SUGCT: variants seen among roughly 807,000 people sequenced by gnomAD.
SUGCT encodes succinyl-CoA:glutarate-CoA transferase.
In SUGCT, 41 loss-of-function variants were observed where a neutral mutation model predicts 55.0. That is an observed-to-expected ratio of 0.74 (90% CI 0.58 to 0.97). The LOEUF (loss-of-function observed/expected upper bound fraction) is 0.97, where lower values mean the gene tolerates loss of function less well. Ranked by LOEUF, SUGCT falls within the 50% of genes least tolerant of loss-of-function variation. The probability of loss-of-function intolerance (pLI) is 0.00; values close to 1 mark genes in which losing one functional copy is unlikely to be tolerated. For synonymous variants in SUGCT, 187 were observed against 200.4 expected (o/e 0.93, Z 0.56); for missense variants, 568 against 547.8 (o/e 1.04, Z -0.37).
intron 12 of SUGCT, among the ~76,000 whole-genome samples, chr7:40,724,910 T>C (rs1410584099): frequency 6.6e-6 from 1 of 152,206 alleles, no homozygotes; most frequent in Non-Finnish European, 1.5e-5. Context: ...TTTAAACATC[T>C]ATTCTGCTGC....
At chr7:40,663,759 C>A (rs1410457522) in intron 12 of SUGCT, among the ~76,000 whole-genome samples, 5 of 152,066 alleles carry the variant, frequency 3.3e-5, no homozygotes, top group African/African-American at 4.8e-5. Flanking sequence ...TCTGGTAGAA[C>A]CTTGTTCTTC....
chr7:40,858,979 G>C (rs539326127), intron 13 of SUGCT, among the ~76,000 whole-genome samples: 2 of 152,296 alleles, frequency 1.3e-5, no homozygotes, highest in South Asian at 4.2e-4. Context: ...TCTCCAAAGA[G>C]CTCAAAGCTC....
chr7:40,979,394 C>T, the SUGCT span: 30 of 152,314 alleles, frequency 2.0e-4, no homozygotes, highest in African/African-American at 6.0e-4. Flanking sequence ...GTACTAAAGA[C>T]GCATTTGCAT....
Position 40,578,676 on chromosome 7 carries a change from G to A in SUGCT, c.1089+82290G>A, listed in dbSNP as rs369499584. ...ATGAGTCTCTGAGAATATAGCCAAG[G>A]CATTGGTAGTCTTCAACTCAGGCGA... On this transcript the variant is annotated intron_variant, in intron 12 of 13. Coordinates refer to ENST00000335693, the MANE Select transcript of SUGCT (RefSeq NM_001193313.2). 3.9e-4 allele frequency among the ~76,000 whole-genome samples: 60 copies of A among 152,232 alleles called. 1 individual carries two copies. In the South Asian group the frequency reaches 0.012, roughly 32 times the overall value.
chr7:41,019,804 G>T, the SUGCT span, among the ~76,000 whole-genome samples: 1 of 152,160 alleles, frequency 6.6e-6, no homozygotes, highest in East Asian at 1.9e-4. Flanking sequence ...AGAACTTCAA[G>T]AATTTTCTTG....
intron 9 of SUGCT, among the ~76,000 whole-genome samples, chr7:40,425,919 C>T (rs185366994): frequency 2.4e-4 from 37 of 152,196 alleles, no homozygotes; most frequent in Admixed American, 1.3e-3. Context: ...TATCTTTCAG[C>T]GCTTCTGTTT....
chr7:40,558,098 CAAA>C (rs371945593), intron 12 of SUGCT, among the ~76,000 whole-genome samples: 1 of 121,660 alleles, frequency 8.2e-6, no homozygotes, highest in Admixed American at 8.6e-5. Flanking sequence ...CTATTCCATA[CAAA>C]AAAAAAAAAA....
intron 12 of SUGCT, among the ~76,000 whole-genome samples, chr7:40,595,749 A>G (rs1797981545): frequency 6.6e-6 from 1 of 152,170 alleles, no homozygotes; most frequent in Non-Finnish European, 1.5e-5. Context: ...ATTAAAGGTC[A>G]AATGTGGTAA....
chr7:40,300,124 G>A (rs963201299), intron 8 of SUGCT, among the ~76,000 whole-genome samples: 7 of 152,238 alleles, frequency 4.6e-5, no homozygotes, highest in Middle Eastern at 3.4e-3. Context: ...TATTCCCTTG[G>A]ATGATATTTT....
chr7:40,821,315 A>G (rs1444087068), intron 13 of SUGCT, among the ~76,000 whole-genome samples: 1 of 151,992 alleles, frequency 6.6e-6, no homozygotes, highest in African/African-American at 2.4e-5. Flanking sequence ...TTTTCTATTG[A>G]TTGGAATAGT....
chr7:40,563,432 G>A lies in SUGCT; in HGVS notation c.1089+67046G>A, dbSNP rs570268477. ...AGAAAAGTCATTATTTGGGCTGTGTGTGGTGGTTTATGCCTGTAATCCCAG... is the reference window on the plus strand; with the variant it reads ...AGAAAAGTCATTATTTGGGCTGTGTATGGTGGTTTATGCCTGTAATCCCAG... On this transcript the variant is annotated intron_variant, in intron 12 of 13. Coordinates refer to ENST00000335693, the MANE Select transcript of SUGCT (RefSeq NM_001193313.2). 1.7e-3 allele frequency among the ~76,000 whole-genome samples: 262 copies of A among 152,174 alleles called. 1 individual carries two copies. The highest frequency in any genetic ancestry group is 1.0e-2 in the South Asian group (48 of 4,822).
At chr7:40,169,186 G>C (rs1159523884) in intron 1 of SUGCT, among the ~76,000 whole-genome samples, 2 of 152,002 alleles carry the variant, frequency 1.3e-5, no homozygotes, top group African/African-American at 4.8e-5. Context: ...CCCTGCTTTT[G>C]CTAGGATGTC....
chr7:40,686,142 G>T (rs1031389447), intron 12 of SUGCT, among the ~76,000 whole-genome samples: 26 of 151,868 alleles, frequency 1.7e-4, no homozygotes, highest in Admixed American at 1.5e-3. Flanking sequence ...TTTTCTTCTG[G>T]TTCCTGGTTT....
chr7:41,021,807 T>G, the SUGCT span, among the ~76,000 whole-genome samples: 40 of 151,594 alleles, frequency 2.6e-4, no homozygotes, highest in African/African-American at 9.0e-4. Context: ...AGAAAGCAAT[T>G]TAAAACTTAA....
At chr7:40,401,996 A>G (rs1331703819) in intron 9 of SUGCT, among the ~76,000 whole-genome samples, 1 of 152,174 alleles carries the variant, frequency 6.6e-6, no homozygotes, top group African/African-American at 2.4e-5. Flanking sequence ...TGCACCAAAC[A>G]TTCCAGATTG....
At chr7:40,318,665 G>A (rs1795561952) in intron 9 of SUGCT, among the ~76,000 whole-genome samples, 1 of 152,190 alleles carries the variant, frequency 6.6e-6, no homozygotes, top group Non-Finnish European at 1.5e-5. Flanking sequence ...TCGACCTCCT[G>A]ACCTCAAGTG....
rs183178654 is a variant in SUGCT at position 40,719,130 on chromosome 7, C to T, written c.1090-30304C>T. Among the ~76,000 whole-genome samples the T allele has an allele frequency of 2.3e-3, 349 of 152,338 alleles. 6 individuals are homozygous for T. The highest frequency in any genetic ancestry group is 4.1e-4 in the Non-Finnish European group (28 of 68,038). On this transcript the variant is annotated intron_variant, in intron 12 of 13. Coordinates refer to ENST00000335693, the MANE Select transcript of SUGCT (RefSeq NM_001193313.2). ...TGTGATCTGGCACCTGCCATTCTCC[C>T]TGGGCTCATCTTTTCTATGAAACCC...
intron 6 of SUGCT, among the ~76,000 whole-genome samples, chr7:40,201,777 T>C (rs1786616638): frequency 6.6e-6 from 1 of 152,156 alleles, no homozygotes; most frequent in Non-Finnish European, 1.5e-5. Context: ...CCCAACAGTA[T>C]AACCTTTTAT....
intron 12 of SUGCT, among the ~76,000 whole-genome samples, chr7:40,554,336 A>C (rs182334297): frequency 6.6e-6 from 1 of 152,228 alleles, no homozygotes; most frequent in African/African-American, 2.4e-5. Flanking sequence ...TGGCATGTAG[A>C]TTGTCATTTT....
Sources: allele counts gnomAD v4.1 joint callset (sites outside exome capture counted in the v4.1 genomes callset), GRCh38; gene constraint gnomAD v4.1.1; transcripts MANE v1.5; gene names NCBI Gene and HGNC (gene_info 2026-07-23, HGNC 2026-07-21).